Variants in PAX3 observed in about 807,000 individuals in gnomAD.
PAX3 encodes the protein paired box protein Pax-3.
In PAX3, 14 loss-of-function variants were observed where a neutral mutation model predicts 51.6. That is an observed-to-expected ratio of 0.27 (90% confidence interval 0.18 to 0.42). PAX3 has a LOEUF of 0.42. PAX3 is among the 10% of genes least tolerant of loss of function. The pLI is 1.00. For synonymous variants in PAX3, 280 were observed against 253.4 expected (o/e 1.11, Z -1.00); for missense variants, 540 against 642.8 (o/e 0.84, Z 1.73).
At chr2:222,233,157 A>G (rs1692669591) in intron 4 of PAX3, 2 of 151,920 alleles carry the variant, frequency 1.3e-5, no homozygotes, top group Non-Finnish European at 2.9e-5. Flanking sequence ...GAAGGCAACA[A>G]CAGATCATTA....
chr2:222,244,027 C>T (rs749297101), intron 4 of PAX3, among the ~76,000 whole-genome samples: 4 of 152,082 alleles, frequency 2.6e-5, no homozygotes, highest in Non-Finnish European at 5.9e-5. Context: ...GTGATTCCTC[C>T]CCTTCATCGT....
intron 7 of PAX3, among the ~76,000 whole-genome samples, chr2:222,204,432 G>A (rs1201371591): frequency 6.6e-6 from 1 of 152,082 alleles, no homozygotes. Context: ...GAAAATTCAT[G>A]AACTTCAATT....
intron 5 of PAX3, among the ~76,000 whole-genome samples, chr2:222,225,086 G>T (rs895679065): frequency 2.0e-5 from 3 of 152,190 alleles, no homozygotes; most frequent in Non-Finnish European, 4.4e-5. Context: ...TGTTAAGGAA[G>T]TGGGGGCAGG....
At chr2:222,220,459 T>C (rs957106607) in intron 6 of PAX3, 105 bp from the exon 7 acceptor site, 1 of 1,055,900 alleles carries the variant, frequency 9.5e-7, no homozygotes, top group Non-Finnish European at 1.5e-6. Flanking sequence ...CATCTATTGA[T>C]CAAATCAAAT....
At chr2:222,214,804 C>T (rs1356658161) in intron 7 of PAX3, 3 of 152,018 alleles carry the variant, frequency 2.0e-5, no homozygotes, top group Non-Finnish European at 4.4e-5. Context: ...TACATCTTAC[C>T]CAAGACCTGG....
chr2:222,286,349 T>G (rs999654876), intron 4 of PAX3, among the ~76,000 whole-genome samples: 1 of 152,250 alleles, frequency 6.6e-6, no homozygotes, highest in African/African-American at 2.4e-5. Flanking sequence ...ACAGTAAATA[T>G]GGCCAAATAA....
intron 4 of PAX3, among the ~76,000 whole-genome samples, chr2:222,284,194 T>C (rs1490982824): frequency 6.6e-6 from 1 of 152,028 alleles, no homozygotes; most frequent in Non-Finnish European, 1.5e-5. Flanking sequence ...ATAAAGACCT[T>C]TAAGAACAAT....
intron 4 of PAX3, among the ~76,000 whole-genome samples, chr2:222,291,023 G>A (rs1695014129): frequency 6.6e-6 from 1 of 152,066 alleles, no homozygotes; most frequent in Admixed American, 6.5e-5. Flanking sequence ...GCAGCCCGGC[G>A]AGCTAAGCTT....
At chr2:222,229,352 G>A (rs1692501504) in intron 5 of PAX3, among the ~76,000 whole-genome samples, 1 of 151,632 alleles carries the variant, frequency 6.6e-6, no homozygotes, top group African/African-American at 2.4e-5. Context: ...TTATGACTTA[G>A]TTAATAAAGG....
intron 4 of PAX3, among the ~76,000 whole-genome samples, chr2:222,282,623 T>C (rs1346276651): frequency 6.6e-6 from 1 of 152,196 alleles, no homozygotes; most frequent in Admixed American, 6.5e-5. Context: ...ATAATTATAA[T>C]AAGTTGCCTC....
At chr2:222,260,565 GTTTTTTTTTT>G (rs869129158) in intron 4 of PAX3, among the ~76,000 whole-genome samples, 1 of 55,848 alleles carries the variant, frequency 1.8e-5, no homozygotes, top group African/African-American at 6.1e-5. Flanking sequence ...TTTTTTTTTT[GTTTTTTTTTT>G]TTGTTTTTTT....
In PAX3 at chr2:222,200,969, CT is replaced by C. The variant is rs1691263361; in HGVS notation, c.*438del. On this transcript the variant is annotated 3_prime_UTR_variant, in exon 9 of 9. Transcript: ENST00000392070. ...CAGCATCGAACATCGACATGTTATACTTTAGGGTATTCTATTATATTTTAGA... is the reference window on the plus strand; with the variant it reads ...CAGCATCGAACATCGACATGTTATACTTAGGGTATTCTATTATATTTTAGA... 1.6e-6 allele frequency: 1 copy of C among 608,024 alleles called. No individual in the cohort carries two copies. The highest frequency in any genetic ancestry group is 2.9e-6 in the Non-Finnish European group (1 of 341,738). 37.7% of individuals were successfully genotyped at this position (608,024 alleles called of 1,614,324 possible).
In PAX3 at chr2:222,298,861, G is replaced by T. The variant is rs1027018889; in HGVS notation, c.-246C>A. 1 of 584,364 alleles carries T rather than the reference G, an allele frequency of 1.7e-6. No homozygotes were observed. The highest frequency in any genetic ancestry group is 2.0e-5 in the South Asian group (1 of 50,336). The allele number at this position is 584,364 out of a possible 1,614,324, so 36.2% of individuals were successfully genotyped here. A position where few individuals can be genotyped will look rare whatever the true frequency, so the allele number is the denominator to read the frequency against. ...AGGATCCCGAGCCCAGGGCGGAAAA[G>T]TTTGGTACGAGTCTGGGCAAATGTT... On this transcript the variant is annotated 5_prime_UTR_variant, in exon 1 of 9. Transcript: ENST00000392070.
intron 4 of PAX3, among the ~76,000 whole-genome samples, chr2:222,291,926 T>A (rs1695053285): frequency 6.6e-6 from 1 of 151,748 alleles, no homozygotes; most frequent in Admixed American, 6.6e-5. Flanking sequence ...AGACACTGCA[T>A]CTTCCTTGAC....
chr2:222,239,938 C>T (rs375678564), intron 4 of PAX3, among the ~76,000 whole-genome samples: 115 of 152,084 alleles, frequency 7.6e-4, no homozygotes, highest in African/African-American at 2.7e-3. Context: ...ACTCTTGTTC[C>T]TGCCCAGCAG....
At chr2:222,231,510 A>G (rs1692593895) in intron 5 of PAX3, among the ~76,000 whole-genome samples, 1 of 152,252 alleles carries the variant, frequency 6.6e-6, no homozygotes, top group Non-Finnish European at 1.5e-5. Context: ...CTTCTTAATT[A>G]TAAAATCGTT....
At chr2:222,223,213 T>A (rs968242218) in intron 5 of PAX3, among the ~76,000 whole-genome samples, 1 of 152,230 alleles carries the variant, frequency 6.6e-6, no homozygotes, top group Non-Finnish European at 1.5e-5. Context: ...GAGTTTTGTC[T>A]TCTCTCGCCA....
chr2:222,201,151 C>G lies in PAX3; in HGVS notation c.*257G>C, dbSNP rs3731858. Reference sequence around the variant, plus strand: ...GATATGTAACCATGTGAAACCATTGCCTTAAAATGTTGCATTTGTCTTTTA... The same window carrying G: ...GATATGTAACCATGTGAAACCATTGGCTTAAAATGTTGCATTTGTCTTTTA... On this transcript the variant is annotated 3_prime_UTR_variant, in exon 9 of 9. Transcript: ENST00000392070. 0.19 allele frequency: 311,382 copies of G among 1,611,526 alleles called. 31,869 individuals are homozygous for G. Among genetic ancestry groups the G allele is most frequent in the South Asian group, 0.27 (24,831 of 91,000 alleles).
intron 4 of PAX3, among the ~76,000 whole-genome samples, chr2:222,280,249 AAG>A (rs1400701523): frequency 3.4e-5 from 5 of 146,962 alleles, no homozygotes; most frequent in Admixed American, 6.8e-5. Context: ...GAAAGAAAGA[AAG>A]AGAAAGAAAA....
Sources: gnomAD v4.1 joint callset for allele counts (sites outside exome capture counted in the v4.1 genomes callset) on GRCh38, gnomAD v4.1.1 for gene constraint, MANE v1.5 for transcripts, NCBI Gene and HGNC (gene_info 2026-07-23, HGNC 2026-07-21) for gene names.